SCHIP1: variants seen among roughly 807,000 people sequenced by gnomAD.
SCHIP1 encodes schwannomin interacting protein 1, also known as schwannomin-interacting protein 1.
A neutral mutation model predicts 29.7 loss-of-function variants in SCHIP1; 8 were observed. The ratio of observed to expected loss-of-function variants is 0.27; its 90% CI spans 0.16 to 0.49. The LOEUF (loss-of-function observed/expected upper bound fraction) is 0.49. Ranked by LOEUF, SCHIP1 falls within the 20% of genes least tolerant of loss-of-function variation. SCHIP1 has a pLI of 0.99. For synonymous variants in SCHIP1, 76 were observed against 94.9 expected (o/e 0.80, Z 1.16); for missense variants, 193 against 294.6 (o/e 0.66, Z 2.52).
At chr3:159,896,871 T>C in exon 7 of SCHIP1, 1 of 1,297,722 alleles carries the variant, frequency 7.7e-7, no homozygotes, top group Non-Finnish European at 1.0e-6. Context: ...CAAATATCAG[T>C]GTTAGTCATT....
At chr3:159,306,275 A>G in the SCHIP1 span, among the ~76,000 whole-genome samples, 1 of 151,700 alleles carries the variant, frequency 6.6e-6, no homozygotes. Context: ...CAATTTCTAT[A>G]GTGAAATACT....
chr3:159,753,326 TAG>T, the SCHIP1 span, among the ~76,000 whole-genome samples: 10 of 152,238 alleles, frequency 6.6e-5, no homozygotes, highest in Non-Finnish European at 1.5e-4. Flanking sequence ...TATAACATCT[TAG>T]ATATAGAACG....
chr3:159,577,692 G>A, the SCHIP1 span, among the ~76,000 whole-genome samples: 1 of 152,096 alleles, frequency 6.6e-6, no homozygotes, highest in African/African-American at 2.4e-5. Flanking sequence ...TTTTTGAATA[G>A]ACTCATTCAC....
upstream of SCHIP1, among the ~76,000 whole-genome samples, chr3:159,838,218 T>C (rs545739614): frequency 6.6e-6 from 1 of 152,342 alleles, no homozygotes; most frequent in African/African-American, 2.4e-5. Context: ...GAACCTCAAA[T>C]AGTAAAAATT....
At chr3:159,891,964 G>A (rs771806679) in intron 5 of SCHIP1, 133 bp from the exon 7 acceptor site, 15 of 967,988 alleles carry the variant, frequency 1.5e-5, no homozygotes, top group Non-Finnish European at 2.2e-5. Context: ...TGCAACATAC[G>A]ATGTCTAACC....
At chr3:159,428,851 G>A in the SCHIP1 span, among the ~76,000 whole-genome samples, 1 of 152,132 alleles carries the variant, frequency 6.6e-6, no homozygotes, top group Non-Finnish European at 1.5e-5. Flanking sequence ...ATACACCATG[G>A]AATGCTATGC....
At chr3:159,600,656 C>A in the SCHIP1 span, among the ~76,000 whole-genome samples, 8 of 151,882 alleles carry the variant, frequency 5.3e-5, no homozygotes, top group Admixed American at 1.3e-4. Context: ...ATTCTGAATT[C>A]TTTATTGGGA....
chr3:159,784,384 C>G, the SCHIP1 span, among the ~76,000 whole-genome samples: 4 of 152,348 alleles, frequency 2.6e-5, no homozygotes, highest in Admixed American at 2.6e-4. Flanking sequence ...TTCACCTTCT[C>G]TGCAGTTTTT....
the SCHIP1 span, among the ~76,000 whole-genome samples, chr3:159,362,835 C>G: frequency 3.1e-4 from 47 of 152,314 alleles, no homozygotes; most frequent in Non-Finnish European, 1.2e-4. Flanking sequence ...CCCCTGAAGA[C>G]TGGTCACTTT....
the SCHIP1 span, among the ~76,000 whole-genome samples, chr3:159,784,510 T>C: frequency 6.6e-6 from 1 of 152,234 alleles, no homozygotes; most frequent in Non-Finnish European, 1.5e-5. Context: ...AATAGCTATG[T>C]GCTACACAAG....
chr3:159,741,710 A>G, the SCHIP1 span, among the ~76,000 whole-genome samples: 1 of 152,252 alleles, frequency 6.6e-6, no homozygotes, highest in Non-Finnish European at 1.5e-5. Context: ...CCAAGTTACC[A>G]AAAATGGCAA....
the SCHIP1 span, among the ~76,000 whole-genome samples, chr3:159,561,856 A>G: frequency 6.6e-6 from 1 of 152,136 alleles, no homozygotes; most frequent in Non-Finnish European, 1.5e-5. Flanking sequence ...GCCATTATTT[A>G]ATGAGTTGAT....
chr3:159,324,243 CAAATA>C, the SCHIP1 span, among the ~76,000 whole-genome samples: 55,767 of 151,376 alleles, frequency 0.37, 11,251 homozygotes, highest in East Asian at 0.47. Context: ...ATACTTACTA[CAAATA>C]AAATATTTAT....
chr3:159,374,039 A>AAAT, the SCHIP1 span, among the ~76,000 whole-genome samples: 1 of 152,192 alleles, frequency 6.6e-6, no homozygotes, highest in East Asian at 1.9e-4. Context: ...ATTCCCATTG[A>AAAT]AATATTTTTA....
the SCHIP1 span, among the ~76,000 whole-genome samples, chr3:159,725,414 A>G: frequency 6.6e-6 from 1 of 152,064 alleles, no homozygotes; most frequent in South Asian, 2.1e-4. Context: ...GACTACAGGC[A>G]CATGCCACTG....
chr3:159,623,552 G>A, the SCHIP1 span, among the ~76,000 whole-genome samples: 4 of 152,134 alleles, frequency 2.6e-5, no homozygotes, highest in African/African-American at 9.7e-5. Flanking sequence ...CTTGAACCTG[G>A]GAGGCAGAGG....
the SCHIP1 span, among the ~76,000 whole-genome samples, chr3:159,415,736 ATGAT>A: frequency 6.6e-6 from 1 of 152,168 alleles, no homozygotes; most frequent in Non-Finnish European, 1.5e-5. Context: ...GCTATTGTGA[ATGAT>A]TGCTAGATAT....
At chr3:159,390,325 A>T in the SCHIP1 span, among the ~76,000 whole-genome samples, 2 of 152,116 alleles carry the variant, frequency 1.3e-5, no homozygotes, top group African/African-American at 4.8e-5. Context: ...TTTAAAATCA[A>T]AATGGATTTT....
the SCHIP1 span, among the ~76,000 whole-genome samples, chr3:159,398,197 G>A: frequency 1.5e-4 from 23 of 152,224 alleles, no homozygotes; most frequent in Middle Eastern, 3.4e-3. Flanking sequence ...CACACGGTGC[G>A]CACACCCACT....
Sources: allele counts gnomAD v4.1 joint callset (sites outside exome capture counted in the v4.1 genomes callset), GRCh38; gene constraint gnomAD v4.1.1; transcripts MANE v1.5; gene names NCBI Gene and HGNC (gene_info 2026-07-23, HGNC 2026-07-21).